NCKAP5L: variants seen among roughly 807,000 people sequenced by gnomAD.
NCKAP5L encodes nck-associated protein 5-like.
Under a neutral mutation model 103.2 loss-of-function variants are expected in NCKAP5L, and 54 were observed. The observed-to-expected ratio is 0.52, with a 90% CI of 0.42 to 0.66. The LOEUF is 0.66. Ranked by LOEUF, NCKAP5L falls within the 30% of genes least tolerant of loss-of-function variation. The pLI is 0.00. For missense variants in NCKAP5L, 1,733 were observed against 1,750.6 expected (o/e 0.99, Z 0.18); for synonymous variants, 762 against 748.6 (o/e 1.02, Z -0.29).
In NCKAP5L at chr12:49,792,473, T is replaced by C; in HGVS notation, c.3765A>G (p.Gln1255=). 6.2e-7 allele frequency: 1 copy of C among 1,613,462 alleles called. No individual in the cohort carries two copies. Among genetic ancestry groups the C allele is most frequent in the African/African-American group, 1.3e-5 (1 of 75,026 alleles). Residue 1255 remains glutamine (Q), a synonymous_variant, in exon 12 of 13, where the codon CAA becomes CAG. Transcript: ENST00000335999. The surrounding 1 kb of genome is among the most constrained non-coding windows in gnomAD (Gnocchi z 4.5). ...SSDPLMCPPR[Q]LEGLPRTPMA... is the part of the protein sequence containing the mutation. ...TGGGGGTCCTGGGCAGCCCCTCCAGTTGTCGGGGTGGGCACATGAGAGGGT... is the reference window on the plus strand; with the variant it reads ...TGGGGGTCCTGGGCAGCCCCTCCAGCTGTCGGGGTGGGCACATGAGAGGGT...
chr12:49,795,243 C>G lies in NCKAP5L; in HGVS notation c.2617G>C (p.Gly873Arg). ...GAGTGTGGGGCCAGCCCCTCAGGGCCCTGACTTGGGTCAGTGGGGCCAGGT... is the reference window on the plus strand; with the variant it reads ...GAGTGTGGGGCCAGCCCCTCAGGGCGCTGACTTGGGTCAGTGGGGCCAGGT... ...LVPGPTDPSQ[G>R]PEGLAPHSAI... The change falls in exon 8 of 13, where the codon GGC becomes CGC. Residue 873 changes from glycine (G) to arginine (R), a missense_variant. Physicochemically the swap from Gly to Arg is moderately radical, Grantham distance 125. Coordinates refer to ENST00000335999, the MANE Select transcript of NCKAP5L (RefSeq NM_001037806.4). The G allele has an allele frequency of 6.4e-7, 1 of 1,551,174 alleles. No homozygotes were observed. Among genetic ancestry groups the G allele is most frequent in the Non-Finnish European group, 8.7e-7 (1 of 1,149,756 alleles).
chr12:49,797,176 C>T lies in NCKAP5L; in HGVS notation c.684G>A (p.Glu228=), dbSNP rs867110537. The change falls in exon 8 of 13, where the codon GAG becomes GAA. Residue 228 remains glutamate (E), a synonymous_variant. Transcript: ENST00000335999. This position sits in a 1 kb window ranked among gnomAD's most constrained non-coding sequence, Gnocchi z 4.5. ...GTTCAGGCTGAGGCGGGCCACACAG[C>T]TCGCCGTTGATGGGCTCTGGGGAGC... ...GPGSPEPING[E]LCGPPQPEPS... 6 of 1,611,874 alleles carry T rather than the reference C, an allele frequency of 3.7e-6. No individual in the cohort carries two copies. The Middle Eastern group carries it at 8.3e-4, about 223-fold the overall frequency.
At chr12:49,812,061 A>G (rs1946245888) in intron 1 of NCKAP5L, among the ~76,000 whole-genome samples, 1 of 152,162 alleles carries the variant, frequency 6.6e-6, no homozygotes, top group African/African-American at 2.4e-5. Flanking sequence ...TCCATGTCTC[A>G]CACAATTCAC....
At chr12:49,820,307 C>T (rs1260073513) in intron 1 of NCKAP5L, among the ~76,000 whole-genome samples, 1 of 150,418 alleles carries the variant, frequency 6.6e-6, no homozygotes, top group Non-Finnish European at 1.5e-5. Context: ...AACTTTATCT[C>T]CTGGCCTTTT....
intron 1 of NCKAP5L, among the ~76,000 whole-genome samples, chr12:49,818,562 C>T (rs183385450): frequency 2.0e-5 from 3 of 152,158 alleles, no homozygotes; most frequent in Admixed American, 6.6e-5. Flanking sequence ...ACTTTGACCA[C>T]GTTGCCCAGG....
In NCKAP5L at chr12:49,792,694, A is replaced by G; in HGVS notation, c.3633T>C (p.His1211=). 1 of 1,612,142 alleles carries G rather than the reference A, an allele frequency of 6.2e-7. No homozygotes were observed. The highest frequency in any genetic ancestry group is 2.2e-5 in the East Asian group (1 of 44,790). ...LLPAAPGHRG[H]ETCPDDPCED... ...GACACTCACCATCAGGACAGGTCTC[A>G]TGGCCCCGGTGGCCCGGAGCAGCGG... Residue 1211 remains histidine (H), a synonymous_variant, in exon 11 of 13, where the codon CAT becomes CAC. Transcript: ENST00000335999. This position sits in a 1 kb window ranked among gnomAD's most constrained non-coding sequence, Gnocchi z 4.5.
At chr12:49,798,524 G>T in intron 6 of NCKAP5L, 61 bp from the exon 7 acceptor site, 1 of 1,347,604 alleles carries the variant, frequency 7.4e-7, no homozygotes, top group Non-Finnish European at 1.0e-6. Context: ...CTACTCCCTC[G>T]CAAAGCCAGG....
At position 49,791,911 on chromosome 12, in the gene NCKAP5L, T is replaced by TG. The variant is rs750891910; in HGVS notation, c.3932dup (p.Gly1312ArgfsTer10). On this transcript the variant is annotated frameshift_variant, in exon 13 of 13. Transcript: ENST00000335999. LOFTEE classifies it high-confidence loss of function. ...TGAGAGACTCCGAGGTCTCCAGCCC[T>TG]GGGGGGCCCCCGCTGGCCACTCTGC... The TG allele has an allele frequency of 1.9e-6, 3 of 1,612,016 alleles. No individual in the cohort carries two copies. Among genetic ancestry groups the TG allele is most frequent in the Admixed American group, 3.3e-5 (2 of 59,888 alleles).
Position 49,797,503 on chromosome 12 carries a change from C to T in NCKAP5L, c.466-109G>A. 1 of 778,612 alleles carries T rather than the reference C, an allele frequency of 1.3e-6. No homozygotes were observed. The highest frequency in any genetic ancestry group is 1.8e-5 in the South Asian group (1 of 55,058). The allele number at this position is 778,612 out of a possible 1,614,324, so 48.2% of individuals were successfully genotyped here. A position where few individuals can be genotyped will look rare whatever the true frequency, so the allele number is the denominator to read the frequency against. On this transcript the variant is annotated intron_variant, in intron 7 of 12. Transcript: ENST00000335999. This position sits in a 1 kb window ranked among gnomAD's most constrained non-coding sequence, Gnocchi z 4.5. ...AGGGAATGCCAGGAACAGAGCTGGC[C>T]TGGTTGTGTCTGTGTCCCCAAAAGG...
In NCKAP5L at chr12:49,797,235, C is replaced by T; in HGVS notation, c.625G>A (p.Ala209Thr). Residue 209 changes from alanine to threonine, a missense_variant, in exon 8 of 13, where the codon GCC becomes ACC. Coordinates refer to ENST00000335999, the MANE Select transcript of NCKAP5L (RefSeq NM_001037806.4). The surrounding 1 kb of genome is among the most constrained non-coding windows in gnomAD (Gnocchi z 4.5). ...ETDPLLLCSPATPWRPPGQGP... is the reference protein window; with the variant it reads ...ETDPLLLCSPTTPWRPPGQGP... Reference sequence around the variant, plus strand: ...TGGCCTGGAGGCCGCCAGGGGGTGGCAGGTGAGCAGAGAAGCAAGGGGTCA... The same window carrying T: ...TGGCCTGGAGGCCGCCAGGGGGTGGTAGGTGAGCAGAGAAGCAAGGGGTCA... 18 of 1,613,450 alleles carry T rather than the reference C, an allele frequency of 1.1e-5. No homozygotes were observed. Among genetic ancestry groups the T allele is most frequent in the Non-Finnish European group, 1.5e-5 (18 of 1,179,800 alleles).
chr12:49,803,330 G>A (rs944302109), intron 3 of NCKAP5L, among the ~76,000 whole-genome samples, 165 bp from the exon 4 acceptor site: 1 of 152,196 alleles, frequency 6.6e-6, no homozygotes, highest in Non-Finnish European at 1.5e-5. Flanking sequence ...ATCCTGCAGA[G>A]GCCAAGGGCA....
intron 6 of NCKAP5L, among the ~76,000 whole-genome samples, chr12:49,799,756 T>G (rs1327357914): frequency 1.3e-5 from 2 of 152,256 alleles, no homozygotes; most frequent in East Asian, 3.8e-4. Context: ...TCCACCTTGC[T>G]GTCTCCCTCA....
In NCKAP5L at chr12:49,827,764, C is replaced by T. The variant is rs545789873; in HGVS notation, c.-99+558G>A. Among the ~76,000 whole-genome samples the T allele has an allele frequency of 5.3e-5, 8 of 152,336 alleles. No homozygotes were observed. In the South Asian group the frequency reaches 1.0e-3, roughly 20 times the overall value. On this transcript the variant is annotated intron_variant, in intron 1 of 12. Transcript: ENST00000335999. ...CCTCAAAGCCTTTGAAGGGGCTGTT[C>T]TCTAGGAGACCCGGTCTTTCCGCCT...
chr12:49,816,751 C>T (rs1010218146), intron 1 of NCKAP5L, among the ~76,000 whole-genome samples: 1 of 150,892 alleles, frequency 6.6e-6, no homozygotes, highest in Non-Finnish European at 1.5e-5. Flanking sequence ...GAGCTGAAAT[C>T]GCGCCACTGT....
rs1946071445 is a variant in NCKAP5L at position 49,797,471 on chromosome 12, G to A, written c.466-77C>T. ...AGTTCCAGGCCCAGGCCCTGGGCTGGCTTAACAGGGAATGCCAGGAACAGA... is the reference window on the plus strand; with the variant it reads ...AGTTCCAGGCCCAGGCCCTGGGCTGACTTAACAGGGAATGCCAGGAACAGA... On this transcript the variant is annotated intron_variant, in intron 7 of 12. Transcript: ENST00000335999. The surrounding 1 kb of genome is among the most constrained non-coding windows in gnomAD (Gnocchi z 4.5). 6 of 1,145,200 alleles carry A rather than the reference G, an allele frequency of 5.2e-6. No individual in the cohort carries two copies. Among genetic ancestry groups the A allele is most frequent in the Non-Finnish European group, 7.3e-6 (6 of 816,354 alleles). The allele number at this position is 1,145,200 out of a possible 1,614,324, so 70.9% of individuals were successfully genotyped here. A position where few individuals can be genotyped will look rare whatever the true frequency, so the allele number is the denominator to read the frequency against.
intron 1 of NCKAP5L, among the ~76,000 whole-genome samples, chr12:49,812,538 C>T (rs942626340): frequency 5.3e-5 from 8 of 152,116 alleles, no homozygotes; most frequent in African/African-American, 1.9e-4. Flanking sequence ...CGCCCGCCAC[C>T]ACGCCTGGCT....
At chr12:49,793,596 C>T in intron 9 of NCKAP5L, 138 bp downstream of exon 9, 5 of 1,290,484 alleles carry the variant, frequency 3.9e-6, no homozygotes, top group Non-Finnish European at 5.3e-6. Context: ...GCCCCTCTCC[C>T]CTCCCCAGTC....
At chr12:49,821,321 C>G (rs907987281) in intron 1 of NCKAP5L, among the ~76,000 whole-genome samples, 1 of 152,184 alleles carries the variant, frequency 6.6e-6, no homozygotes, top group Non-Finnish European at 1.5e-5. Flanking sequence ...AGCCTGCAGG[C>G]TCAGAGCTGG....
Position 49,795,447 on chromosome 12 carries a change from C to A in NCKAP5L, c.2413G>T (p.Gly805Cys). 6.4e-7 allele frequency: 1 copy of A among 1,573,668 alleles called. No homozygotes were observed. Among genetic ancestry groups the A allele is most frequent in the Non-Finnish European group, 8.6e-7 (1 of 1,164,288 alleles). ...AKVPTSAPSL[G>C]KPNKSPHSSP... Reference sequence around the variant, plus strand: ...CTGTGAGGGCTCTTATTGGGCTTGCCCAGGCTTGGGGCTGAGGTTGGCACT... The same window carrying A: ...CTGTGAGGGCTCTTATTGGGCTTGCACAGGCTTGGGGCTGAGGTTGGCACT... The change falls in exon 8 of 13, where the codon GGC becomes TGC. Residue 805 changes from glycine (G) to cysteine (C), a missense_variant. Coordinates refer to ENST00000335999, the MANE Select transcript of NCKAP5L (RefSeq NM_001037806.4).
Sources: gnomAD v4.1 joint callset for allele counts (sites outside exome capture counted in the v4.1 genomes callset) on GRCh38, gnomAD v4.1.1 for gene constraint, Gnocchi (gnomAD v3.1) non-coding constraint, MANE v1.5 for transcripts, NCBI Gene and HGNC (gene_info 2026-07-23, HGNC 2026-07-21) for gene names.